Variants in PPIL6 observed in about 807,000 individuals in gnomAD.
PPIL6 encodes the protein probable inactive peptidyl-prolyl cis-trans isomerase-like 6.
PPIL6 carries 39 observed loss-of-function variants against 36.8 expected under a neutral mutation model. That is an observed-to-expected ratio of 1.06 (90% CI 0.82 to 1.38). The LOEUF is 1.38. PPIL6 is among the 40% of genes most tolerant of loss of function. PPIL6 has a pLI of 0.00. For missense variants in PPIL6, 368 were observed against 379.1 expected (o/e 0.97, Z 0.24); for synonymous variants, 123 against 134.1 (o/e 0.92, Z 0.57).
chr6:109,420,276 C>A (rs1488207264), intron 5 of PPIL6, among the ~76,000 whole-genome samples: 1 of 128,878 alleles, frequency 7.8e-6, no homozygotes, highest in Non-Finnish European at 1.5e-5. Context: ...GAGGTTGCAG[C>A]GAGCTGAGAT....
At chr6:109,439,102 A>AAAAAAACTTGTCAACAC (rs1170936754) in intron 1 of PPIL6, among the ~76,000 whole-genome samples, 2 of 152,208 alleles carry the variant, frequency 1.3e-5, no homozygotes, top group Non-Finnish European at 2.9e-5. Flanking sequence ...GACTTTACAG[A>AAAAAAACTTGTCAACAC]AAAAAACTTG....
intron 7 of PPIL6, among the ~76,000 whole-genome samples, 190 bp from the exon 8 acceptor site, chr6:109,393,127 C>G (rs1772157620): frequency 6.6e-6 from 1 of 152,222 alleles, no homozygotes; most frequent in Admixed American, 6.5e-5. Flanking sequence ...CCAGGGCCAT[C>G]ATCCAGGCAG....
intron 6 of PPIL6, among the ~76,000 whole-genome samples, chr6:109,412,818 T>A (rs996619678): frequency 6.6e-6 from 1 of 152,002 alleles, no homozygotes; most frequent in Admixed American, 6.6e-5. Context: ...TCTGGACAAA[T>A]GGGATCATAT....
chr6:109,399,927 G>T, intron 7 of PPIL6, 108 bp downstream of exon 7: 3 of 753,440 alleles, frequency 4.0e-6, no homozygotes, highest in Non-Finnish European at 5.9e-6. Flanking sequence ...TTGCATTTAA[G>T]CCCTATTTTT....
intron 6 of PPIL6, 32 bp downstream of exon 6, chr6:109,419,155 A>T: frequency 7.7e-7 from 1 of 1,293,764 alleles, no homozygotes; most frequent in Non-Finnish European, 1.1e-6. Flanking sequence ...TAATCAACTA[A>T]TATATAACTA....
rs1772322235 is a variant in PPIL6 at position 109,396,763 on chromosome 6, G to C, written c.824+3272C>G. Among the ~76,000 whole-genome samples, 14 of 151,940 alleles carry C rather than the reference G, an allele frequency of 9.2e-5. 1 individual carries two copies. Among genetic ancestry groups the C allele is most frequent in the Admixed American group, 9.2e-4 (14 of 15,244 alleles). Reference sequence around the variant, plus strand: ...GTTTTGTGATATTCTTTCCCTATGAGCCCACTGGGCCAGCCATGCTCTGTG... The same window carrying C: ...GTTTTGTGATATTCTTTCCCTATGACCCCACTGGGCCAGCCATGCTCTGTG... On this transcript the variant is annotated intron_variant, in intron 7 of 7. Transcript: ENST00000521072.
rs2115226818 is a variant in PPIL6, at chr6:109,413,799, C to T, written c.688+5388G>A. On this transcript the variant is annotated intron_variant, in intron 6 of 7. Coordinates refer to ENST00000521072, the MANE Select transcript of PPIL6 (RefSeq NM_173672.5). This position sits in a 1 kb window ranked among gnomAD's most constrained non-coding sequence, Gnocchi z 4.6. ...TTCAGCCATAAAAAAGAATGAGATCCAGTCATTTGCAACAACATGGATGGG... is the reference window on the plus strand; with the variant it reads ...TTCAGCCATAAAAAAGAATGAGATCTAGTCATTTGCAACAACATGGATGGG... Among the ~76,000 whole-genome samples the T allele has an allele frequency of 6.6e-6, 1 of 152,258 alleles. No individual in the cohort carries two copies. The highest frequency in any genetic ancestry group is 1.9e-4 in the East Asian group (1 of 5,180).
chr6:109,409,337 G>A lies in PPIL6; in HGVS notation c.689-9167C>T, dbSNP rs749693682. Among the ~76,000 whole-genome samples, 10 of 152,214 alleles carry A rather than the reference G, an allele frequency of 6.6e-5. No individual in the cohort carries two copies. The Middle Eastern group carries it at 0.01, about 155-fold the overall frequency. On this transcript the variant is annotated intron_variant, in intron 6 of 7. Transcript: ENST00000521072. The stretch of plus-strand genomic sequence containing the variant: ...AGCACTTTGGAAGGCCAAGGCAGGC[G>A]GATCACTTGAGGTCAGGAGTTCCAG...
chr6:109,425,054 A>G (rs12214147), intron 5 of PPIL6, among the ~76,000 whole-genome samples: 79,370 of 152,004 alleles, frequency 0.52, 21,863 homozygotes, highest in African/African-American at 0.71. Context: ...GGTCTGGATC[A>G]TGGGAACTGG....
At chr6:109,393,212 G>A (rs1425250519) in intron 7 of PPIL6, among the ~76,000 whole-genome samples, 1 of 140,766 alleles carries the variant, frequency 7.1e-6, no homozygotes, top group African/African-American at 2.9e-5. Context: ...TCTCCCTGCA[G>A]TCAGGGTGAT....
rs757152949 is a variant in PPIL6 at position 109,436,235 on chromosome 6, GTTCTCTTTT to G, written c.136-45_136-37del. Reference sequence around the variant, plus strand: ...AAATAGAATAATTATTTTAGAGTTAGTTCTCTTTTAAAGTCAAAATCATGTTCCCCAATT... The same window carrying G: ...AAATAGAATAATTATTTTAGAGTTAGAAAGTCAAAATCATGTTCCCCAATT... On this transcript the variant is annotated intron_variant, in intron 1 of 7. Transcript: ENST00000521072. The G allele has an allele frequency of 4.8e-6, 6 of 1,246,632 alleles. 1 individual carries two copies. The highest frequency in any genetic ancestry group is 1.9e-4 in the Middle Eastern group (1 of 5,194). 77.2% of individuals were successfully genotyped at this position (1,246,632 alleles called of 1,614,324 possible).
chr6:109,433,308 C>T (rs1457709511), intron 2 of PPIL6, among the ~76,000 whole-genome samples: 2 of 152,206 alleles, frequency 1.3e-5, no homozygotes, highest in Admixed American at 6.5e-5. Context: ...CTGCCCGCCT[C>T]GGCCTCCCAA....
upstream of PPIL6, chr6:109,440,892 C>T (rs750859422): frequency 5.4e-6 from 3 of 553,136 alleles, no homozygotes; most frequent in Non-Finnish European, 6.2e-6. Context: ...ATTTCGGCAG[C>T]GGATCGCCTT....
At position 109,395,608 on chromosome 6, in the gene PPIL6, T is replaced by TTC. The variant is rs201242341; in HGVS notation, c.825-2672_825-2671insGA. ...GGCCCTCACCCCCGACTCTAACTTC[T>TTC]TTTTTTTTTTTTTTTTTGAGACAGT... On this transcript the variant is annotated intron_variant, in intron 7 of 7. Coordinates refer to ENST00000521072, the MANE Select transcript of PPIL6 (RefSeq NM_173672.5). Among the ~76,000 whole-genome samples the TTC allele has an allele frequency of 1.0e-3, 92 of 89,652 alleles. 3 individuals are homozygous for TTC. The highest frequency in any genetic ancestry group is 1.7e-3 in the South Asian group (3 of 1,810). 58.8% of individuals were successfully genotyped at this position (89,652 alleles called of 152,430 possible). A position where few individuals can be genotyped will look rare whatever the true frequency, so the allele number is the denominator to read the frequency against.
intron 5 of PPIL6, among the ~76,000 whole-genome samples, chr6:109,425,410 G>A (rs1469638437): frequency 6.6e-6 from 1 of 152,130 alleles, no homozygotes; most frequent in Non-Finnish European, 1.5e-5. Flanking sequence ...TCTTGCAAGG[G>A]TGGTGGGAGC....
chr6:109,437,873 T>G (rs1053131810), intron 1 of PPIL6, among the ~76,000 whole-genome samples: 1 of 152,148 alleles, frequency 6.6e-6, no homozygotes, highest in African/African-American at 2.4e-5. Flanking sequence ...CCTGGCCCGG[T>G]TGACTGCTAT....
chr6:109,411,487 A>G (rs927819327), intron 6 of PPIL6, among the ~76,000 whole-genome samples: 5 of 152,218 alleles, frequency 3.3e-5, no homozygotes, highest in African/African-American at 9.7e-5. Context: ...GCAAGTTGAG[A>G]TTAACATTCA....
At chr6:109,441,071 G>C (rs779018459), upstream of PPIL6, 1 of 1,601,770 alleles carries the variant, frequency 6.2e-7, no homozygotes, top group African/African-American at 1.3e-5. Context: ...TCCCCACCGC[G>C]GCCGTCGCTG....
chr6:109,409,673 T>C (rs866574834), intron 6 of PPIL6, among the ~76,000 whole-genome samples: 4 of 151,852 alleles, frequency 2.6e-5, no homozygotes, highest in Middle Eastern at 3.4e-3. Context: ...AACTGATAAA[T>C]AAATTTAGTA....
Sources: gnomAD v4.1 joint callset for allele counts (sites outside exome capture counted in the v4.1 genomes callset) on GRCh38, gnomAD v4.1.1 for gene constraint, Gnocchi (gnomAD v3.1) non-coding constraint, MANE v1.5 for transcripts, NCBI Gene and HGNC (gene_info 2026-07-23, HGNC 2026-07-21) for gene names.